PLEKHA7: variants seen among roughly 807,000 people sequenced by gnomAD.
PLEKHA7 encodes the protein pleckstrin homology domain-containing family A member 7.
PLEKHA7 carries 104 observed loss-of-function variants against 170.0 expected under a neutral mutation model. The ratio of observed to expected loss-of-function variants is 0.61; its 90% confidence interval spans 0.52 to 0.72. PLEKHA7 has a LOEUF of 0.72. Among genes scored for constraint, PLEKHA7 ranks in the 30% least tolerant of loss-of-function variants. The probability of loss-of-function intolerance (pLI) is 0.00; values close to 1 mark genes in which losing one functional copy is unlikely to be tolerated. For synonymous variants in PLEKHA7, 648 were observed against 660.8 expected, an observed-to-expected ratio of 0.98 and a Z score of 0.30; for missense variants, 1,615 against 1,671.7, an observed-to-expected ratio of 0.97 and a Z score of 0.59.
intron 3 of PLEKHA7, among the ~76,000 whole-genome samples, chr11:16,975,610 C>T (rs1414606291): frequency 2.6e-5 from 4 of 151,778 alleles, no homozygotes; most frequent in African/African-American, 2.4e-5. Context: ...CAATGGATGC[C>T]GAGAGAGAAA....
rs184443867 is a variant in PLEKHA7 at position 16,884,588 on chromosome 11, T to C, written c.222-13406A>G. 7.1e-3 allele frequency among the ~76,000 whole-genome samples: 1,081 copies of C among 152,082 alleles called. 13 individuals are homozygous for C. Among genetic ancestry groups the C allele is most frequent in the African/African-American group, 0.025 (1,041 of 41,430 alleles). ...AGGCGGAGGTTGCAGTGAGCCGAGA[T>C]TGCATCACTGCACTCCAGCCTGGAC... On this transcript the variant is annotated intron_variant, in intron 3 of 26. Coordinates refer to ENST00000531066, the MANE Select transcript of PLEKHA7 (RefSeq NM_001329630.2).
intron 8 of PLEKHA7, among the ~76,000 whole-genome samples, chr11:16,846,387 C>T (rs1852415550): frequency 6.6e-6 from 1 of 152,170 alleles, no homozygotes; most frequent in South Asian, 2.1e-4. Context: ...CTCCAAGCAG[C>T]ACAGTGAACA....
At chr11:16,920,776 A>C (rs1458453610) in intron 3 of PLEKHA7, among the ~76,000 whole-genome samples, 1 of 152,218 alleles carries the variant, frequency 6.6e-6, no homozygotes, top group Non-Finnish European at 1.5e-5. Flanking sequence ...AGCAGAGTGC[A>C]CAGCTCCATG....
Position 16,857,842 on chromosome 11 carries a change from C to T in PLEKHA7, c.306-1928G>A, listed in dbSNP as rs200174671. Among the ~76,000 whole-genome samples the T allele has an allele frequency of 8.5e-5, 13 of 152,330 alleles. No individual in the cohort carries two copies. In the East Asian group the frequency reaches 1.9e-3, roughly 23 times the overall value. On this transcript the variant is annotated intron_variant, in intron 4 of 26. Transcript: ENST00000531066. The stretch of plus-strand genomic sequence containing the variant: ...CAAGTGATTCTCCTGCCTCAGCCTC[C>T]CAAGTAGTTAGTATTACAGGCGCTT...
intron 3 of PLEKHA7, among the ~76,000 whole-genome samples, chr11:16,922,346 G>T (rs1859160802): frequency 6.6e-6 from 1 of 152,120 alleles, no homozygotes. Context: ...TGAGGATGGG[G>T]GAGTGGCCTT....
intron 3 of PLEKHA7, among the ~76,000 whole-genome samples, chr11:16,917,230 A>G (rs1338479308): frequency 6.6e-6 from 1 of 152,102 alleles, no homozygotes; most frequent in African/African-American, 2.4e-5. Flanking sequence ...AAAAAATAAA[A>G]AATAAAAAAT....
chr11:16,929,842 A>G (rs996099747), intron 3 of PLEKHA7, among the ~76,000 whole-genome samples: 4 of 151,774 alleles, frequency 2.6e-5, no homozygotes, highest in Non-Finnish European at 5.9e-5. Flanking sequence ...GTCCCTAGTA[A>G]AAATACAAAA....
In PLEKHA7 at chr11:16,786,321, T is replaced by C. The variant is rs1258043081; in HGVS notation, c.3424A>G (p.Lys1142Glu). ...ERVVQGEKKDKEENGWLKVQA... is the reference protein window; with the variant it reads ...ERVVQGEKKDEEENGWLKVQA... ...ACTTTCAACCAGCCATTCTCCTCCT[T>C]GTCCTTTTTTTCCCCTTGCACGACC... Residue 1142 changes from lysine (K) to glutamate (E), a missense_variant, in exon 24 of 27, where the codon AAG becomes GAG. Transcript: ENST00000531066. The C allele has an allele frequency of 1.4e-5, 22 of 1,536,034 alleles. No homozygotes were observed. Among genetic ancestry groups the C allele is most frequent in the African/African-American group, 4.1e-5 (3 of 73,038 alleles).
chr11:16,927,554 T>C (rs893550958), intron 3 of PLEKHA7, among the ~76,000 whole-genome samples: 2 of 152,068 alleles, frequency 1.3e-5, no homozygotes, highest in Non-Finnish European at 2.9e-5. Flanking sequence ...AGACAATGAA[T>C]AGAAGCCCTG....
chr11:16,983,625 G>A (rs1015450955), intron 3 of PLEKHA7, among the ~76,000 whole-genome samples: 1 of 152,168 alleles, frequency 6.6e-6, no homozygotes, highest in African/African-American at 2.4e-5. Flanking sequence ...GATTTGTGGA[G>A]GCCAAGATTC....
intron 3 of PLEKHA7, among the ~76,000 whole-genome samples, chr11:16,884,649 A>C (rs1459378100): frequency 1.9e-5 from 2 of 107,110 alleles, no homozygotes; most frequent in Non-Finnish European, 4.3e-5. Flanking sequence ...AAGAAAAGAA[A>C]AGAAAAGAAA....
chr11:16,972,422 A>C (rs1228970686), intron 3 of PLEKHA7, among the ~76,000 whole-genome samples: 2 of 151,054 alleles, frequency 1.3e-5, no homozygotes, highest in African/African-American at 4.9e-5. Flanking sequence ...CCGCCCAGCT[A>C]TTTTTATTTT....
chr11:16,925,657 T>C (rs1201947929), intron 3 of PLEKHA7, among the ~76,000 whole-genome samples: 1 of 152,166 alleles, frequency 6.6e-6, no homozygotes, highest in Non-Finnish European at 1.5e-5. Flanking sequence ...GGCGCTGGGC[T>C]ACGGAGCGCG....
At chr11:16,805,715 G>A (rs1848923667) in intron 13 of PLEKHA7, among the ~76,000 whole-genome samples, 1 of 151,210 alleles carries the variant, frequency 6.6e-6, no homozygotes, top group Non-Finnish European at 1.5e-5. Flanking sequence ...TCTTGAACCT[G>A]GGAGGCAGAG....
At chr11:16,854,443 T>C (rs999352884) in intron 6 of PLEKHA7, among the ~76,000 whole-genome samples, 7 of 152,084 alleles carry the variant, frequency 4.6e-5, no homozygotes, top group African/African-American at 1.7e-4. Flanking sequence ...GAGGAGATAA[T>C]GAGCTGAGTT....
chr11:16,977,047 G>C (rs1863113579), intron 3 of PLEKHA7, among the ~76,000 whole-genome samples: 1 of 152,138 alleles, frequency 6.6e-6, no homozygotes. Context: ...ACCTCAGCCA[G>C]AGCATCCCCA....
chr11:16,886,598 C>G (rs1336974641), intron 3 of PLEKHA7, among the ~76,000 whole-genome samples: 1 of 151,690 alleles, frequency 6.6e-6, no homozygotes, highest in Non-Finnish European at 1.5e-5. Flanking sequence ...GTAATCTCAT[C>G]TACTCAGGAG....
At chr11:16,812,355 G>T (rs1849428617) in intron 13 of PLEKHA7, 1 of 152,208 alleles carries the variant, frequency 6.6e-6, no homozygotes, top group African/African-American at 2.4e-5. Context: ...AGGGAGGCAC[G>T]CCACCCCTCG....
chr11:16,886,034 C>A (rs1394714426), intron 3 of PLEKHA7, among the ~76,000 whole-genome samples: 2 of 152,024 alleles, frequency 1.3e-5, no homozygotes, highest in Non-Finnish European at 2.9e-5. Context: ...AAGGTAAACC[C>A]CAAACCAGCC....
Sources: gnomAD v4.1 joint callset for allele counts (sites outside exome capture counted in the v4.1 genomes callset) on GRCh38, gnomAD v4.1.1 for gene constraint, MANE v1.5 for transcripts, NCBI Gene and HGNC (gene_info 2026-07-23, HGNC 2026-07-21) for gene names.